C12orf56: variants seen among roughly 807,000 people sequenced by gnomAD.
The protein encoded by C12orf56 is chromosome 12 open reading frame 56.
C12orf56 carries 71 observed loss-of-function variants against 69.9 expected under a neutral mutation model. The observed-to-expected ratio is 1.02, with a 90% CI of 0.84 to 1.24. The LOEUF is 1.24. Ranked by LOEUF, C12orf56 falls within the 50% of genes most tolerant of loss-of-function variation. C12orf56 has a pLI of 0.00. For synonymous variants in C12orf56, 276 were observed against 274.1 expected, an observed-to-expected ratio of 1.01 and a Z score of -0.07; for missense variants, 732 against 738.5, an observed-to-expected ratio of 0.99 and a Z score of 0.10.
chr12:64,313,634 A>G (rs1304608321), intron 4 of C12orf56, among the ~76,000 whole-genome samples: 1 of 151,384 alleles, frequency 6.6e-6, no homozygotes, highest in East Asian at 1.9e-4. Flanking sequence ...ATAAATTTAT[A>G]GTATTTATAT....
At chr12:64,296,594 G>T (rs137859280) in intron 6 of C12orf56, among the ~76,000 whole-genome samples, 165 of 152,252 alleles carry the variant, frequency 1.1e-3, no homozygotes, top group Non-Finnish European at 2.2e-3. Context: ...AGTTGATGCT[G>T]GAATGAATTA....
At chr12:64,306,989 T>A (rs1469767429) in intron 5 of C12orf56, among the ~76,000 whole-genome samples, 2 of 152,188 alleles carry the variant, frequency 1.3e-5, no homozygotes, top group Non-Finnish European at 2.9e-5. Flanking sequence ...TATATTGCCT[T>A]CAGGAATTAA....
intron 3 of C12orf56, among the ~76,000 whole-genome samples, chr12:64,328,401 C>T (rs181375743): frequency 4.7e-4 from 72 of 152,062 alleles, no homozygotes; most frequent in Admixed American, 2.1e-3. Flanking sequence ...CACACTTTGG[C>T]CAGGCACAGT....
At chr12:64,372,427 G>C (rs1317153792) in intron 1 of C12orf56, among the ~76,000 whole-genome samples, 1 of 152,134 alleles carries the variant, frequency 6.6e-6, no homozygotes, top group Admixed American at 6.6e-5. Flanking sequence ...AACTATGTCT[G>C]ACTACCTATT....
At chr12:64,270,475 T>G in intron 12 of C12orf56, 61 bp downstream of exon 12, 1 of 1,317,650 alleles carries the variant, frequency 7.6e-7, no homozygotes, top group Non-Finnish European at 1.0e-6. Flanking sequence ...GTTGCAGGTT[T>G]GCATGAACTC....
At chr12:64,386,412 T>G (rs2039791399) in intron 1 of C12orf56, among the ~76,000 whole-genome samples, 1 of 146,620 alleles carries the variant, frequency 6.8e-6, no homozygotes, top group Non-Finnish European at 1.5e-5. Flanking sequence ...TTTTTTTTTT[T>G]TGAGACGGAG....
chr12:64,368,501 AT>A (rs2039527958), intron 1 of C12orf56, among the ~76,000 whole-genome samples: 4 of 152,258 alleles, frequency 2.6e-5, no homozygotes, highest in Admixed American at 2.6e-4. Context: ...AGCCTAAAAA[AT>A]GAATTTAACA....
intron 1 of C12orf56, among the ~76,000 whole-genome samples, chr12:64,379,899 C>T (rs1435064417): frequency 1.4e-5 from 2 of 141,676 alleles, no homozygotes; most frequent in East Asian, 2.1e-4. Context: ...CTGGCTAACA[C>T]GGTGAAACCC....
intron 3 of C12orf56, among the ~76,000 whole-genome samples, chr12:64,319,289 C>CT (rs2038738026): frequency 2.0e-5 from 3 of 152,212 alleles, no homozygotes; most frequent in African/African-American, 7.2e-5. Flanking sequence ...GATATTTCCA[C>CT]TGAAAGGACT....
rs1565754093 is a variant in C12orf56, at chr12:64,318,870, G to C, written c.599C>G (p.Pro200Arg). The C allele has an allele frequency of 6.5e-7, 1 of 1,537,228 alleles. No homozygotes were observed. The highest frequency in any genetic ancestry group is 1.2e-5 in the South Asian group (1 of 84,056). Residue 200 changes from proline (P) to arginine (R), a missense_variant, in exon 4 of 13, where the codon CCC (proline) becomes CGC (arginine). Physicochemically the swap from Pro to Arg is moderately radical, Grantham distance 103. Transcript: ENST00000543942. The stretch of plus-strand genomic sequence containing the variant: ...TGCAGACTGAGAGCTCCTCCTGGAG[G>C]GGGAAGGTAGGGGTCGAAAGGCACC... Reference protein sequence around the residue: ...GQGAFRPLPSPSRRSSQSAPT... With the variant: ...GQGAFRPLPSRSRRSSQSAPT...
At chr12:64,309,342 A>T (rs1592440473) in intron 5 of C12orf56, among the ~76,000 whole-genome samples, 1 of 152,070 alleles carries the variant, frequency 6.6e-6, no homozygotes, top group East Asian at 1.9e-4. Context: ...TGTCTCTATA[A>T]ATTTGCCTAT....
At chr12:64,354,388 A>G (rs952211910) in intron 1 of C12orf56, among the ~76,000 whole-genome samples, 2 of 152,164 alleles carry the variant, frequency 1.3e-5, no homozygotes, top group African/African-American at 4.8e-5. Context: ...GTAGTGTGCC[A>G]TGATCTGTGC....
chr12:64,362,900 G>T (rs1313677614), intron 1 of C12orf56, among the ~76,000 whole-genome samples: 1 of 152,112 alleles, frequency 6.6e-6, no homozygotes, highest in Non-Finnish European at 1.5e-5. Context: ...CATGGCATTC[G>T]TAAACTGACA....
intron 12 of C12orf56, among the ~76,000 whole-genome samples, chr12:64,270,117 G>T (rs1287890815): frequency 1.3e-5 from 2 of 152,006 alleles, no homozygotes; most frequent in Non-Finnish European, 2.9e-5. Context: ...ACAAAAATAG[G>T]CCAGGTGCGG....
chr12:64,364,208 G>T (rs1299001755), intron 1 of C12orf56, among the ~76,000 whole-genome samples: 1 of 151,960 alleles, frequency 6.6e-6, no homozygotes, highest in Non-Finnish European at 1.5e-5. Flanking sequence ...AGTTACTTGT[G>T]GGAGGTCGAG....
intron 5 of C12orf56, among the ~76,000 whole-genome samples, chr12:64,303,988 C>T (rs374061395): frequency 7.9e-5 from 12 of 152,208 alleles, no homozygotes; most frequent in East Asian, 1.9e-4. Flanking sequence ...CTTTTTTGCC[C>T]GTGCCCCTTA....
intron 6 of C12orf56, among the ~76,000 whole-genome samples, chr12:64,303,135 G>C (rs1297000712): frequency 6.6e-6 from 1 of 151,870 alleles, no homozygotes; most frequent in African/African-American, 2.4e-5. Flanking sequence ...TTAGCTGGGC[G>C]TGGTAGTGGG....
At position 64,345,833 on chromosome 12, in the gene C12orf56, A is replaced by G. The variant is rs188582854; in HGVS notation, c.415+7061T>C. ...AATACTTCATACAAATGTAGTATGCATAGAGTCACTAAACTCCTTGTCTCT... is the reference window on the plus strand; with the variant it reads ...AATACTTCATACAAATGTAGTATGCGTAGAGTCACTAAACTCCTTGTCTCT... On this transcript the variant is annotated intron_variant, in intron 2 of 12. Transcript: ENST00000543942. Among the ~76,000 whole-genome samples the G allele has an allele frequency of 9.2e-5, 14 of 152,340 alleles. No homozygotes were observed. In the East Asian group the frequency reaches 2.7e-3, roughly 29 times the overall value.
intron 2 of C12orf56, chr12:64,338,277 CCTTTATGTTA>C (rs2039023077): frequency 1.9e-6 from 1 of 523,772 alleles, no homozygotes. Flanking sequence ...GTATTGGAAA[CCTTTATGTTA>C]CAATCCCCAT....
Sources: allele counts gnomAD v4.1 joint callset (sites outside exome capture counted in the v4.1 genomes callset), GRCh38; gene constraint gnomAD v4.1.1; transcripts MANE v1.5; gene names NCBI Gene and HGNC (gene_info 2026-07-23, HGNC 2026-07-21).